The following CHD8 variants were observed in gnomAD, a reference collection of about 807,000 sequenced individuals.
The protein encoded by CHD8 is ATP-dependent chromatin remodeler CHD8.
CHD8 carries 31 observed loss-of-function variants against 279.2 expected under a neutral mutation model. That is an observed-to-expected ratio of 0.11 (90% confidence interval 0.08 to 0.15). The LOEUF is 0.15. Ranked by LOEUF, CHD8 falls within the 10% of genes least tolerant of loss-of-function variation. The probability of loss-of-function intolerance (pLI) is 1.00; values close to 1 mark genes in which losing one functional copy is unlikely to be tolerated. For synonymous variants in CHD8, 1,081 were observed against 1,139.6 expected (o/e 0.95, Z 1.04); for missense variants, 2,146 against 3,230.5 (o/e 0.66, Z 8.14).
intron 26 of CHD8, 34 bp downstream of exon 26, chr14:21,399,568 G>T: frequency 6.9e-7 from 1 of 1,443,980 alleles, no homozygotes; most frequent in Non-Finnish European, 9.8e-7. Flanking sequence ...TAAATCTTCA[G>T]TCGGAAAGGA....
chr14:21,421,875 G>A (rs1889060249), intron 5 of CHD8, among the ~76,000 whole-genome samples: 2 of 152,180 alleles, frequency 1.3e-5, no homozygotes, highest in African/African-American at 4.8e-5. Context: ...TGTTCTTACA[G>A]AAGGAAGAAA....
intron 1 of CHD8, among the ~76,000 whole-genome samples, chr14:21,443,035 C>T (rs1165179297): frequency 2.6e-5 from 4 of 152,098 alleles, no homozygotes; most frequent in African/African-American, 9.7e-5. Context: ...TTTCCAAAAG[C>T]CAGAATTTTG....
At position 21,399,633 on chromosome 14, in the gene CHD8, G is replaced by A. The variant is rs1887944736; in HGVS notation, c.4890C>T (p.Asp1630=). The change falls in exon 26 of 38, where the codon GAC becomes GAT. Residue 1630 remains aspartate, a synonymous_variant. Coordinates refer to ENST00000646647, the MANE Select transcript of CHD8 (RefSeq NM_001170629.2). ...VPTTWWDSEA[D]KSLLIGVFKH... is the part of the protein sequence containing the mutation. ...TAAAGACTCCAATGAGCAGCGACTT[G>A]TCAGCCTCACTGTCCCACCAAGTTG... The A allele has an allele frequency of 1.2e-6, 2 of 1,613,636 alleles. No homozygotes were observed. Among genetic ancestry groups the A allele is most frequent in the African/African-American group, 2.7e-5 (2 of 75,044 alleles).
At chr14:21,416,147 T>C (rs1325859825) in intron 5 of CHD8, 2 of 373,178 alleles carry the variant, frequency 5.4e-6, no homozygotes, top group Non-Finnish European at 9.5e-6. Context: ...ACCTGTCCAC[T>C]AGTGGCAAGA....
At chr14:21,410,760 A>G (rs1269787964) in intron 10 of CHD8, among the ~76,000 whole-genome samples, 1 of 152,208 alleles carries the variant, frequency 6.6e-6, no homozygotes, top group Non-Finnish European at 1.5e-5. Flanking sequence ...TCTAATTATC[A>G]ATTCATAGAA....
At chr14:21,441,769 G>A (rs1456466994) in intron 1 of CHD8, among the ~76,000 whole-genome samples, 6 of 152,226 alleles carry the variant, frequency 3.9e-5, no homozygotes, top group South Asian at 2.1e-4. Context: ...GGCACCTGTA[G>A]TCCCAGCTAC....
At position 21,428,047 on chromosome 14, in the gene CHD8, G is replaced by A. The variant is rs1447949003; in HGVS notation, c.1423C>T (p.Arg475Cys). 1.9e-6 allele frequency: 3 copies of A among 1,614,018 alleles called. No homozygotes were observed. Among genetic ancestry groups the A allele is most frequent in the Admixed American group, 1.7e-5 (1 of 60,026 alleles). ...VAEAIARARA[R>C]GEQNIPRVLN... ...ACTCGAGGTATGTTCTGCTCACCGC[G>A]GGCACGGGCTCTCGCAATGGCCTCT... Residue 475 changes from arginine to cysteine, a missense_variant, in exon 4 of 38, where the codon CGC (arginine) becomes TGC (cysteine). Transcript: ENST00000646647.
At chr14:21,409,623 T>C (rs1328778825) in intron 11 of CHD8, among the ~76,000 whole-genome samples, 1 of 152,206 alleles carries the variant, frequency 6.6e-6, no homozygotes, top group Non-Finnish European at 1.5e-5. Flanking sequence ...GGGATTTGAT[T>C]TAAAATAACC....
At chr14:21,422,607 C>T (rs1488365612) in intron 5 of CHD8, among the ~76,000 whole-genome samples, 2 of 152,032 alleles carry the variant, frequency 1.3e-5, no homozygotes, top group Non-Finnish European at 1.5e-5. Context: ...AACAGAATAC[C>T]CGGGACTGGG....
intron 1 of CHD8, chr14:21,437,184 G>T: frequency 8.5e-7 from 1 of 1,171,606 alleles, no homozygotes; most frequent in South Asian, 1.5e-5. Flanking sequence ...GAGGAGAGAG[G>T]TGGCTTTACC....
In CHD8 at chr14:21,402,229, A is replaced by T; in HGVS notation, c.3883-93T>A. On this transcript the variant is annotated intron_variant, in intron 19 of 37. Coordinates refer to ENST00000646647, the MANE Select transcript of CHD8 (RefSeq NM_001170629.2). The surrounding 1 kb of genome is among the most constrained non-coding windows in gnomAD (Gnocchi z 4.5). ...TAGCTATTATATTTTAAGAAATAAT[A>T]ATTGAGAATCCAAACAAGGTAGTCA... is the stretch of plus-strand genomic sequence containing the variant. 2.0e-6 allele frequency: 3 copies of T among 1,488,902 alleles called. No homozygotes were observed. In the South Asian group the frequency reaches 3.6e-5, roughly 18 times the overall value. The allele number at this position is 1,488,902 out of a possible 1,614,324, so 92.2% of individuals were successfully genotyped here. A position where few individuals can be genotyped will look rare whatever the true frequency, so the allele number is the denominator to read the frequency against.
rs1208339241 is a variant in CHD8 at position 21,401,059 on chromosome 14, T to G, written c.4186A>C (p.Ile1396Leu). The change falls in exon 22 of 38, where the codon ATT becomes CTT. Residue 1396 changes from isoleucine to leucine, a missense_variant. Physicochemically the swap from Ile to Leu is conservative, Grantham distance 5. Around this residue, in one of 26 missense-constraint regions of CHD8, gnomAD observed 74 missense variants for 91.5 expected, o/e 0.81. Transcript: ENST00000646647. ...TGTTTTCGTACTCTAGGTGTGTCAA[T>G]TACCAAATTATTCTATGAAGAGAAC... ...DLLNSKNNLV[I>L]DTPRVRKQTR... 1 of 1,606,742 alleles carries G rather than the reference T, an allele frequency of 6.2e-7. No individual in the cohort carries two copies. The highest frequency in any genetic ancestry group is 8.5e-7 in the Non-Finnish European group (1 of 1,176,912).
At chr14:21,432,064 T>C (rs1305678322) in intron 1 of CHD8, among the ~76,000 whole-genome samples, 5 of 152,070 alleles carry the variant, frequency 3.3e-5, no homozygotes, top group African/African-American at 1.2e-4. Flanking sequence ...AATAACAACC[T>C]CCTCTTGGGC....
At chr14:21,390,878 C>T (rs1475526599) in intron 37 of CHD8, 69 bp downstream of exon 37, 2 of 775,106 alleles carry the variant, frequency 2.6e-6, no homozygotes, top group Non-Finnish European at 4.4e-6. Context: ...TAGTCACAAT[C>T]ATCATTGAAA....
chr14:21,428,302 G>A (rs781672672), intron 3 of CHD8, 48 bp from the exon 4 acceptor site: 1 of 1,573,784 alleles, frequency 6.4e-7, no homozygotes, highest in Admixed American at 1.8e-5. Context: ...TAGTTAAATG[G>A]CCTAAATAAA....
At position 21,390,950 on chromosome 14, in the gene CHD8, T is replaced by C. The variant is rs758678147; in HGVS notation, c.7179A>G (p.Lys2393=). The C allele has an allele frequency of 6.4e-7, 1 of 1,552,670 alleles. No homozygotes were observed. Among genetic ancestry groups the C allele is most frequent in the Admixed American group, 1.8e-5 (1 of 57,040 alleles). The change falls in exon 37 of 38, where the codon AAA becomes AAG. Residue 2393 remains lysine, a synonymous_variant. Coordinates refer to ENST00000646647, the MANE Select transcript of CHD8 (RefSeq NM_001170629.2). Reference sequence around the variant, plus strand: ...GTAATGCTGCAATTTCTCTCACCTTTTTCCCATTTCTAGAGTTAGCTGTCT... The same window carrying C: ...GTAATGCTGCAATTTCTCTCACCTTCTTCCCATTTCTAGAGTTAGCTGTCT... ...PVQTANSRNG[K]KGHHTETVFN...
At chr14:21,409,559 T>G (rs781172833) in intron 11 of CHD8, among the ~76,000 whole-genome samples, 3 of 152,192 alleles carry the variant, frequency 2.0e-5, no homozygotes, top group Non-Finnish European at 4.4e-5. Context: ...AATAATGGTA[T>G]TATTTCTTTT....
Position 21,391,024 on chromosome 14 carries a change from T to TC in CHD8, c.7104_7105insG (p.Lys2369GlufsTer4). 1 of 1,600,544 alleles carries TC rather than the reference T, an allele frequency of 6.2e-7. No individual in the cohort carries two copies. The highest frequency in any genetic ancestry group is 8.5e-7 in the Non-Finnish European group (1 of 1,172,918). On this transcript the variant is annotated frameshift_variant, in exon 37 of 38. Transcript: ENST00000646647. LOFTEE classifies it high-confidence loss of function. ...TTCAATTCTGCCTTATTATTTTTTT[T>TC]ACATCTTTGCCACTTCTGTTTTCTG... is the stretch of plus-strand genomic sequence containing the variant.
At chr14:21,438,377 A>G (rs1566451544) in intron 1 of CHD8, among the ~76,000 whole-genome samples, 1 of 152,000 alleles carries the variant, frequency 6.6e-6, no homozygotes, top group Non-Finnish European at 1.5e-5. Context: ...CTGTTATTAA[A>G]AAGAGCAGTT....
Sources: gnomAD v4.1 joint callset for allele counts (sites outside exome capture counted in the v4.1 genomes callset) on GRCh38, gnomAD v4.1.1 for gene constraint, gnomAD v4.1.1 regional missense constraint, Gnocchi (gnomAD v3.1) non-coding constraint, MANE v1.5 for transcripts, NCBI Gene and HGNC (gene_info 2026-07-23, HGNC 2026-07-21) for gene names.